CALHM3: variants seen among roughly 807,000 people sequenced by gnomAD.
CALHM3 encodes calcium homeostasis modulator 3.
In CALHM3, 9 loss-of-function variants were observed where a neutral mutation model predicts 13.6. The observed-to-expected ratio is 0.66, with a 90% confidence interval of 0.40 to 1.15. The LOEUF (loss-of-function observed/expected upper bound fraction) is 1.15. Ranked by LOEUF, CALHM3 falls within the 50% of genes most tolerant of loss-of-function variation. CALHM3 has a pLI of 0.01. For missense variants in CALHM3, 497 were observed against 463.4 expected (o/e 1.07, Z -0.67); for synonymous variants, 231 against 213.2 (o/e 1.08, Z -0.73).
chr10:103,476,542 A>G lies in CALHM3; in HGVS notation c.295T>C (p.Cys99Arg). The change falls in exon 2 of 3, where the codon TGC (cysteine) becomes CGC (arginine). Residue 99 changes from cysteine (C) to arginine (R), a missense_variant. Cys to Arg is a radical substitution (Grantham distance 180). Transcript: ENST00000369783. ...RKDPGIIRYM[C>R]SSVLQRALAA... ...AGCGCCCTCTGCAGCACAGAGGAGC[A>G]CATGTACCTGGCAGCAGAGGAAGGA... 1 of 1,551,390 alleles carries G rather than the reference A, an allele frequency of 6.4e-7. No individual in the cohort carries two copies. Among genetic ancestry groups the G allele is most frequent in the Non-Finnish European group, 8.7e-7 (1 of 1,146,886 alleles).
At chr10:103,476,767 A>G (rs2033395050) in intron 1 of CALHM3, among the ~76,000 whole-genome samples, 1 of 152,326 alleles carries the variant, frequency 6.6e-6, no homozygotes, top group East Asian at 1.9e-4. Flanking sequence ...CTCTTGCCCT[A>G]GGCCTTACAG....
Position 103,473,461 on chromosome 10 carries a change from T to G in CALHM3, c.787A>C (p.Asn263His). 6.5e-7 allele frequency: 1 copy of G among 1,535,176 alleles called. No homozygotes were observed. Among genetic ancestry groups the G allele is most frequent in the South Asian group, 1.2e-5 (1 of 82,564 alleles). ...GGGAGCTCGAGTCTCCTGCCTGCAT[T>G]GCCCCGGCGCAGCCCCCGCGCCTGC... The part of the protein sequence containing the change: ...ELQARGLRRG[N>H]AGRRLELPAV... The change falls in exon 3 of 3, where the codon AAT becomes CAT. Residue 263 changes from asparagine to histidine, a missense_variant. Asn to His is a moderately conservative substitution (Grantham distance 68). Coordinates refer to ENST00000369783, the MANE Select transcript of CALHM3 (RefSeq NM_001129742.2).
chr10:103,473,702 G>A lies in CALHM3; in HGVS notation c.546C>T (p.Ala182=). Reference sequence around the variant, plus strand: ...GCAGCAGGGTGACGCTCCAGCCGATGGCCTGCAAAGTAAGGAGGCCCGAGG... The same window carrying A: ...GCAGCAGGGTGACGCTCCAGCCGATAGCCTGCAAAGTAAGGAGGCCCGAGG... ...VSRYLRCLSQ[A]IGWSVTLLLI... is the part of the protein sequence containing the mutation. Residue 182 remains alanine, a splice_region_variant and synonymous_variant, in exon 3 of 3, where the codon GCC becomes GCT. Transcript: ENST00000369783. 1 of 1,544,940 alleles carries A rather than the reference G, an allele frequency of 6.5e-7. No homozygotes were observed. The highest frequency in any genetic ancestry group is 8.7e-7 in the Non-Finnish European group (1 of 1,144,486).
chr10:103,473,691 C>A lies in CALHM3; in HGVS notation c.557G>T (p.Ser186Ile), dbSNP rs375535783. 688 of 1,547,558 alleles carry A rather than the reference C, an allele frequency of 4.4e-4. 1 individual carries two copies. The highest frequency in any genetic ancestry group is 5.7e-4 in the Non-Finnish European group (653 of 1,145,668). The part of the protein sequence containing the change: ...LRCLSQAIGW[S>I]VTLLLIIAAF... ...CGCGATGATCAGCAGCAGGGTGACGCTCCAGCCGATGGCCTGCAAAGTAAG... is the reference window on the plus strand; with the variant it reads ...CGCGATGATCAGCAGCAGGGTGACGATCCAGCCGATGGCCTGCAAAGTAAG... Residue 186 changes from serine to isoleucine, a missense_variant, in exon 3 of 3, where the codon AGC (serine) becomes ATC (isoleucine). By Grantham distance (142) the Ser-to-Ile change is moderately radical. Transcript: ENST00000369783.
chr10:103,476,245 C>G, intron 2 of CALHM3, 49 bp downstream of exon 2: 5 of 1,546,188 alleles, frequency 3.2e-6, no homozygotes, highest in Non-Finnish European at 4.4e-6. Flanking sequence ...AGAACCAATG[C>G]GGGGGATTTG....
At position 103,477,642 on chromosome 10, in the gene CALHM3, T is replaced by A. The variant is rs535606282; in HGVS notation, c.288-1093A>T. Among the ~76,000 whole-genome samples the A allele has an allele frequency of 3.9e-5, 6 of 152,346 alleles. No homozygotes were observed. The East Asian group carries it at 9.6e-4, about 24-fold the overall frequency. On this transcript the variant is annotated intron_variant, in intron 1 of 2. Coordinates refer to ENST00000369783, the MANE Select transcript of CALHM3 (RefSeq NM_001129742.2). Reference sequence around the variant, plus strand: ...TGGAGTGCAGTGGCACGATTTCAGCTCACTGCAACCTCTGCCTCCCAGGTT... The same window carrying A: ...TGGAGTGCAGTGGCACGATTTCAGCACACTGCAACCTCTGCCTCCCAGGTT...
intron 2 of CALHM3, 138 bp downstream of exon 2, chr10:103,476,156 G>A (rs1422908606): frequency 8.6e-6 from 10 of 1,160,178 alleles, no homozygotes; most frequent in African/African-American, 1.5e-5. Flanking sequence ...CAGAGCAGTG[G>A]TCTCCAGCAC....
Position 103,478,764 on chromosome 10 carries a change from T to C in CALHM3, c.269A>G (p.Lys90Arg), listed in dbSNP as rs1330366012. 2 of 1,537,162 alleles carry C rather than the reference T, an allele frequency of 1.3e-6. No individual in the cohort carries two copies. The highest frequency in any genetic ancestry group is 2.5e-5 in the East Asian group (1 of 40,772). The change falls in exon 1 of 3, where the codon AAG (lysine) becomes AGG (arginine). Residue 90 changes from lysine to arginine, a missense_variant. Coordinates refer to ENST00000369783, the MANE Select transcript of CALHM3 (RefSeq NM_001129742.2). ...EWRRPAGHRRKDPGIIRYMCS... is the reference protein window; with the variant it reads ...EWRRPAGHRRRDPGIIRYMCS... ...ACCGCACCTGATGATGCCTGGGTCCTTCCTCCGGTGCCCTGCGGGCCGGCG... is the reference window on the plus strand; with the variant it reads ...ACCGCACCTGATGATGCCTGGGTCCCTCCTCCGGTGCCCTGCGGGCCGGCG...
intron 2 of CALHM3, 138 bp from the exon 3 acceptor site, chr10:103,473,842 A>C: frequency 8.9e-7 from 1 of 1,129,062 alleles, no homozygotes; most frequent in Non-Finnish European, 1.2e-6. Context: ...TTTCCAATGG[A>C]TTCAAATACT....
rs1331688955 is a variant in CALHM3, at chr10:103,473,530, G to A, written c.718C>T (p.His240Tyr). ...TCCEHARDFA[H>Y]RCVLHFFASM... The stretch of plus-strand genomic sequence containing the variant: ...GCAAAGAAGTGCAGCACGCAGCGGT[G>A]CGCGAAGTCCCGCGCATGCTCACAG... Residue 240 changes from histidine to tyrosine, a missense_variant, in exon 3 of 3, where the codon CAC becomes TAC. Physicochemically the swap from His to Tyr is moderately conservative, Grantham distance 83 (BLOSUM62 2). Coordinates refer to ENST00000369783, the MANE Select transcript of CALHM3 (RefSeq NM_001129742.2). The A allele has an allele frequency of 6.4e-7, 1 of 1,551,058 alleles. No homozygotes were observed. The highest frequency in any genetic ancestry group is 2.0e-5 in the Admixed American group (1 of 50,990).
In CALHM3 at chr10:103,473,625, GTC is replaced by G. The variant is rs1035052607; in HGVS notation, c.621_622del (p.Gln207HisfsTer26). On this transcript the variant is annotated frameshift_variant, in exon 3 of 3. Transcript: ENST00000369783. LOFTEE classifies it low-confidence loss of function (END_TRUNC). The stretch of plus-strand genomic sequence containing the variant: ...CCAGTATCTGCGCTGCAGGAAGACT[GTC>G]TGGTCGAAGCAGGGCCTCAGGCAGC... 24 of 1,551,180 alleles carry G rather than the reference GTC, an allele frequency of 1.5e-5. No individual in the cohort carries two copies. Among genetic ancestry groups the G allele is most frequent in the Non-Finnish European group, 2.0e-5 (23 of 1,147,026 alleles).
Position 103,473,679 on chromosome 10 carries a change from A to C in CALHM3, c.569T>G (p.Leu190Arg). 2 of 1,549,730 alleles carry C rather than the reference A, an allele frequency of 1.3e-6. No homozygotes were observed. The highest frequency in any genetic ancestry group is 2.4e-5 in the South Asian group (2 of 84,038). The change falls in exon 3 of 3, where the codon CTG becomes CGG. Residue 190 changes from leucine to arginine, a missense_variant. By Grantham distance (102) the Leu-to-Arg change is moderately radical. Transcript: ENST00000369783. ...SQAIGWSVTL[L>R]LIIAAFLARC... Reference sequence around the variant, plus strand: ...GGCCAGGAAGGCCGCGATGATCAGCAGCAGGGTGACGCTCCAGCCGATGGC... The same window carrying C: ...GGCCAGGAAGGCCGCGATGATCAGCCGCAGGGTGACGCTCCAGCCGATGGC...
At chr10:103,475,830 T>C (rs1004907553) in intron 2 of CALHM3, among the ~76,000 whole-genome samples, 1 of 152,058 alleles carries the variant, frequency 6.6e-6, no homozygotes, top group African/African-American at 2.4e-5. Flanking sequence ...CCCAAGATAA[T>C]AGAGTTGGTG....
At position 103,478,942 on chromosome 10, in the gene CALHM3, C is replaced by T. The variant is rs373768643; in HGVS notation, c.91G>A (p.Val31Ile). The T allele has an allele frequency of 7.2e-5, 111 of 1,551,728 alleles. No individual in the cohort carries two copies. The highest frequency in any genetic ancestry group is 3.4e-4 in the African/African-American group (25 of 73,176). ...GICLLLAAVT[V>I]KLYSSFDFNC... Reference sequence around the variant, plus strand: ...AAGTCAAAGGAGGAGTACAGCTTGACGGTGACCGCAGCCAGCAGCAGGCAG... The same window carrying T: ...AAGTCAAAGGAGGAGTACAGCTTGATGGTGACCGCAGCCAGCAGCAGGCAG... The change falls in exon 1 of 3, where the codon GTC becomes ATC. Residue 31 changes from valine (V) to isoleucine (I), a missense_variant. Val to Ile is a conservative substitution (Grantham distance 29, BLOSUM62 3). Transcript: ENST00000369783.
chr10:103,475,381 A>G (rs1345857015), intron 2 of CALHM3, among the ~76,000 whole-genome samples: 2 of 152,356 alleles, frequency 1.3e-5, no homozygotes, highest in East Asian at 3.9e-4. Flanking sequence ...ACTTTACATG[A>G]CTGATAATTT....
chr10:103,475,961 G>A (rs1179621119), intron 2 of CALHM3, among the ~76,000 whole-genome samples: 3 of 152,190 alleles, frequency 2.0e-5, no homozygotes, highest in Non-Finnish European at 2.9e-5. Flanking sequence ...TTGGCCTTAT[G>A]AACTAAACTC....
Position 103,472,927 on chromosome 10 carries a change from A to C in CALHM3, c.*286T>G, listed in dbSNP as rs2033338154. ...TTGGTTCACTGACCAAAAGCACATCAGCCTCCAGGAGCTTGTTTAAAATGC... is the reference window on the plus strand; with the variant it reads ...TTGGTTCACTGACCAAAAGCACATCCGCCTCCAGGAGCTTGTTTAAAATGC... On this transcript the variant is annotated 3_prime_UTR_variant, in exon 3 of 3. Coordinates refer to ENST00000369783, the MANE Select transcript of CALHM3 (RefSeq NM_001129742.2). 3 of 352,876 alleles carry C rather than the reference A, an allele frequency of 8.5e-6. No homozygotes were observed. The highest frequency in any genetic ancestry group is 1.5e-5 in the Non-Finnish European group (3 of 197,994). 21.9% of individuals were successfully genotyped at this position (352,876 alleles called of 1,614,324 possible). A position where few individuals can be genotyped will look rare whatever the true frequency, so the allele number is the denominator to read the frequency against.
intron 1 of CALHM3, 41 bp downstream of exon 1, chr10:103,478,705 C>T: frequency 1.4e-6 from 2 of 1,469,860 alleles, no homozygotes; most frequent in Non-Finnish European, 1.8e-6. Flanking sequence ...TGGGGAGCCC[C>T]TGGCAAAGCT....
Position 103,475,705 on chromosome 10 carries a change from G to A in CALHM3, c.543+589C>T, listed in dbSNP as rs150333335. 3.7e-3 allele frequency among the ~76,000 whole-genome samples: 565 copies of A among 152,350 alleles called. 1 individual carries two copies. The highest frequency in any genetic ancestry group is 6.2e-3 in the Non-Finnish European group (422 of 68,038). ...TTATCTATAGCCCTAGTGGTGCTCC[G>A]TGTGTAGTGGGTTCACATAAATACT... On this transcript the variant is annotated intron_variant, in intron 2 of 2. Transcript: ENST00000369783.
Sources: gnomAD v4.1 joint callset for allele counts (sites outside exome capture counted in the v4.1 genomes callset) on GRCh38, gnomAD v4.1.1 for gene constraint, MANE v1.5 for transcripts, NCBI Gene and HGNC (gene_info 2026-07-23, HGNC 2026-07-21) for gene names.